Variants in GNAL observed in about 807,000 individuals in gnomAD.
GNAL encodes the protein G protein subunit alpha L, also known as guanine nucleotide-binding protein G(olf) subunit alpha.
In GNAL, 18 loss-of-function variants were observed where a neutral mutation model predicts 55.1. The ratio of observed to expected loss-of-function variants is 0.33; its 90% confidence interval spans 0.23 to 0.48. GNAL has a LOEUF of 0.48. Ranked by LOEUF, GNAL falls within the 20% of genes least tolerant of loss-of-function variation. The pLI is 0.99. For missense variants in GNAL, 412 were observed against 614.1 expected, an observed-to-expected ratio of 0.67 and a Z score of 3.48; for synonymous variants, 253 against 237.0, an observed-to-expected ratio of 1.07 and a Z score of -0.62.
chr18:11,779,754 A>T (rs1307842572), intron 4 of GNAL, among the ~76,000 whole-genome samples: 1 of 152,208 alleles, frequency 6.6e-6, no homozygotes, highest in Non-Finnish European at 1.5e-5. Context: ...AGTGAACAAG[A>T]TGCAGTCCCT....
chr18:11,823,760 AAG>A (rs2035166344), intron 4 of GNAL, among the ~76,000 whole-genome samples: 1 of 152,032 alleles, frequency 6.6e-6, no homozygotes, highest in African/African-American at 2.4e-5. Context: ...GAGAACCCTG[AAG>A]ATCAAAGGCA....
At chr18:11,815,793 GAT>G (rs2143597330) in intron 4 of GNAL, among the ~76,000 whole-genome samples, 2 of 152,290 alleles carry the variant, frequency 1.3e-5, no homozygotes, top group East Asian at 3.9e-4. Context: ...TTTTAATCCA[GAT>G]TATTTGTTGT....
chr18:11,765,960 T>C (rs2033393669), intron 4 of GNAL, among the ~76,000 whole-genome samples: 1 of 152,230 alleles, frequency 6.6e-6, no homozygotes, highest in Non-Finnish European at 1.5e-5. Context: ...AATATGGCGT[T>C]AAACATACCT....
chr18:11,880,811 G>T (rs2036665681), intron 11 of GNAL, among the ~76,000 whole-genome samples, 178 bp from the exon 12 acceptor site: 1 of 152,050 alleles, frequency 6.6e-6, no homozygotes, highest in African/African-American at 2.4e-5. Flanking sequence ...TAAGGGTGAG[G>T]TTATCTGGGT....
intron 4 of GNAL, among the ~76,000 whole-genome samples, chr18:11,766,412 T>G (rs1298676015): frequency 6.6e-6 from 1 of 152,176 alleles, no homozygotes; most frequent in African/African-American, 2.4e-5. Flanking sequence ...GAAATATTTG[T>G]GGATGGCATA....
chr18:11,704,621 T>C (rs2031660580), intron 1 of GNAL, among the ~76,000 whole-genome samples: 1 of 152,210 alleles, frequency 6.6e-6, no homozygotes, highest in Admixed American at 6.5e-5. Flanking sequence ...CGCAGCCTAC[T>C]CTGGGGTCTT....
In GNAL at chr18:11,751,531, T is replaced by G; in HGVS notation, c.377-1322T>G. 6.1e-6 allele frequency: 6 copies of G among 985,484 alleles called. No homozygotes were observed. The highest frequency in any genetic ancestry group is 7.2e-6 in the Non-Finnish European group (6 of 829,988). The allele number at this position is 985,484 out of a possible 1,614,324, so 61.0% of individuals were successfully genotyped here. ...CTGGTGAGCCTCGGAGGGATCCTCC[T>G]CCCTGCTAGAATATGCATGATCCTC... On this transcript the variant is annotated intron_variant, in intron 1 of 11. Coordinates refer to ENST00000334049, the MANE Select transcript of GNAL (RefSeq NM_182978.4). The surrounding 1 kb of genome is among the most constrained non-coding windows in gnomAD (Gnocchi z 4.5).
At chr18:11,820,423 G>A (rs1256468545) in intron 4 of GNAL, among the ~76,000 whole-genome samples, 1 of 152,150 alleles carries the variant, frequency 6.6e-6, no homozygotes, top group Non-Finnish European at 1.5e-5. Flanking sequence ...ATGTGTTTAT[G>A]TATTTTTTAG....
intron 5 of GNAL, among the ~76,000 whole-genome samples, chr18:11,861,218 A>G (rs787551): frequency 0.93 from 141,921 of 152,136 alleles, 66,600 homozygotes; most frequent in East Asian, 1. Flanking sequence ...CAACGCCAGC[A>G]CCAACAGAGA....
At chr18:11,785,385 C>T (rs2034028881) in intron 4 of GNAL, among the ~76,000 whole-genome samples, 1 of 152,138 alleles carries the variant, frequency 6.6e-6, no homozygotes, top group Admixed American at 6.5e-5. Flanking sequence ...CTGTATGCCT[C>T]CAAGCCCCCA....
chr18:11,775,554 C>G (rs1455917695), intron 4 of GNAL, among the ~76,000 whole-genome samples: 1 of 152,200 alleles, frequency 6.6e-6, no homozygotes, highest in Non-Finnish European at 1.5e-5. Flanking sequence ...TGTCTAAGCC[C>G]TACCTCACCC....
chr18:11,832,569 A>G (rs2035408216), intron 5 of GNAL, among the ~76,000 whole-genome samples: 1 of 152,182 alleles, frequency 6.6e-6, no homozygotes, highest in African/African-American at 2.4e-5. Context: ...TTAAAATGAA[A>G]GGAATTGACC....
At chr18:11,738,102 A>T (rs2032496784) in intron 1 of GNAL, among the ~76,000 whole-genome samples, 1 of 152,176 alleles carries the variant, frequency 6.6e-6, no homozygotes, top group Non-Finnish European at 1.5e-5. Context: ...TGAAGGGCTG[A>T]CTTGCATTTC....
At chr18:11,789,638 G>T (rs551480034) in intron 4 of GNAL, among the ~76,000 whole-genome samples, 33 of 152,298 alleles carry the variant, frequency 2.2e-4, no homozygotes, top group African/African-American at 7.7e-4. Context: ...ACTTTAAGTG[G>T]ATTGTTCTAA....
At chr18:11,708,913 C>T (rs936784642) in intron 1 of GNAL, among the ~76,000 whole-genome samples, 12 of 152,254 alleles carry the variant, frequency 7.9e-5, no homozygotes, top group Admixed American at 2.6e-4. Context: ...CCTATATTTT[C>T]GTTCAGTAGT....
At chr18:11,776,635 G>A (rs1268890545) in intron 4 of GNAL, among the ~76,000 whole-genome samples, 3 of 149,884 alleles carry the variant, frequency 2.0e-5, no homozygotes, top group African/African-American at 7.4e-5. Flanking sequence ...TTGAGCCCAG[G>A]AGTTTGAGGC....
chr18:11,842,388 G>A (rs1024238443), intron 5 of GNAL, among the ~76,000 whole-genome samples: 1 of 152,094 alleles, frequency 6.6e-6, no homozygotes, highest in African/African-American at 2.4e-5. Flanking sequence ...GTGGTGGGGT[G>A]GATGGTTTCA....
chr18:11,851,263 T>C, intron 5 of GNAL: 1 of 468,892 alleles, frequency 2.1e-6, no homozygotes, highest in South Asian at 3.8e-5. Context: ...CGCCGGAGCG[T>C]CCAGCCAGAA....
At position 11,864,604 on chromosome 18, in the gene GNAL, C is replaced by T; in HGVS notation, c.849C>T (p.Phe283=). The change falls in exon 7 of 12, where the codon TTC becomes TTT. Residue 283 remains phenylalanine (F), a splice_region_variant and synonymous_variant. Transcript: ENST00000334049. ...GATTCCAAGTGGACAAAGTAAACTTCCAGTGAGTATGTTGTTAAGAGCTGC... is the reference window on the plus strand; with the variant it reads ...GATTCCAAGTGGACAAAGTAAACTTTCAGTGAGTATGTTGTTAAGAGCTGC... ...ETRFQVDKVN[F]HMFDVGGQRD... The T allele has an allele frequency of 1.3e-6, 2 of 1,523,308 alleles. No homozygotes were observed. The highest frequency in any genetic ancestry group is 1.8e-6 in the Non-Finnish European group (2 of 1,097,354). 94.4% of individuals were successfully genotyped at this position (1,523,308 alleles called of 1,614,324 possible).
Sources: gnomAD v4.1 joint callset for allele counts (sites outside exome capture counted in the v4.1 genomes callset) on GRCh38, gnomAD v4.1.1 for gene constraint, Gnocchi (gnomAD v3.1) non-coding constraint, MANE v1.5 for transcripts, NCBI Gene and HGNC (gene_info 2026-07-23, HGNC 2026-07-21) for gene names.